Variants in DENND1A observed in about 807,000 individuals in gnomAD.
DENND1A encodes DENN domain-containing protein 1A.
DENND1A carries 51 observed loss-of-function variants against 113.7 expected under a neutral mutation model. The observed-to-expected ratio is 0.45, with a 90% CI of 0.36 to 0.57. The LOEUF (loss-of-function observed/expected upper bound fraction) is 0.57. Among genes scored for constraint, DENND1A ranks in the 20% least tolerant of loss-of-function variants. The probability of loss-of-function intolerance (pLI) is 0.00; values close to 1 mark genes in which losing one functional copy is unlikely to be tolerated. For synonymous variants in DENND1A, 565 were observed against 570.8 expected (o/e 0.99, Z 0.14); for missense variants, 1,258 against 1,395.9 (o/e 0.90, Z 1.57).
At chr9:123,642,819 G>A (rs2062100194) in intron 9 of DENND1A, among the ~76,000 whole-genome samples, 1 of 152,208 alleles carries the variant, frequency 6.6e-6, no homozygotes, top group African/African-American at 2.4e-5. Context: ...TAAGCAAACA[G>A]GATTAGTGTT....
intron 13 of DENND1A, among the ~76,000 whole-genome samples, chr9:123,535,083 C>T (rs1212770713): frequency 6.6e-6 from 1 of 152,122 alleles, no homozygotes; most frequent in Non-Finnish European, 1.5e-5. Context: ...AAATAACACC[C>T]CAAATCTGAC....
chr9:123,474,116 T>C (rs2049698292), intron 13 of DENND1A, among the ~76,000 whole-genome samples: 1 of 148,044 alleles, frequency 6.8e-6, no homozygotes, highest in African/African-American at 2.5e-5. Flanking sequence ...TGCCTCAGCC[T>C]CCTGAGTAGC....
intron 13 of DENND1A, among the ~76,000 whole-genome samples, chr9:123,474,274 C>T (rs562320240): frequency 1.3e-5 from 2 of 152,250 alleles, no homozygotes; most frequent in African/African-American, 4.8e-5. Context: ...GGATTACAGG[C>T]GTGAGCCACC....
intron 13 of DENND1A, among the ~76,000 whole-genome samples, chr9:123,554,623 T>A (rs1367861856): frequency 6.6e-6 from 1 of 152,222 alleles, no homozygotes; most frequent in African/African-American, 2.4e-5. Flanking sequence ...CTTCTCCACC[T>A]TATGGAAGAA....
intron 5 of DENND1A, among the ~76,000 whole-genome samples, chr9:123,735,226 T>A (rs573921738): frequency 6.6e-6 from 1 of 152,310 alleles, no homozygotes; most frequent in South Asian, 2.1e-4. Flanking sequence ...TTCTAGATGT[T>A]CTAAACCAGC....
At chr9:123,640,655 G>C (rs996896677) in intron 9 of DENND1A, among the ~76,000 whole-genome samples, 2 of 152,352 alleles carry the variant, frequency 1.3e-5, no homozygotes, top group Non-Finnish European at 2.9e-5. Flanking sequence ...ATGAGATTCA[G>C]CCTCAGGTAA....
chr9:123,487,565 G>A (rs2051000193), intron 13 of DENND1A, among the ~76,000 whole-genome samples: 1 of 152,158 alleles, frequency 6.6e-6, no homozygotes, highest in Non-Finnish European at 1.5e-5. Flanking sequence ...CGATTGTCCT[G>A]TGGACACTTT....
At chr9:123,480,198 TCCTC>T (rs1318765825) in intron 13 of DENND1A, among the ~76,000 whole-genome samples, 4 of 152,078 alleles carry the variant, frequency 2.6e-5, no homozygotes, top group African/African-American at 7.2e-5. Flanking sequence ...GGCAATTGCC[TCCTC>T]CCAGGGCCCC....
At position 123,457,396 on chromosome 9, in the gene DENND1A, C is replaced by T. The variant is rs764183615; in HGVS notation, c.1138G>A (p.Gly380Ser). Reference protein sequence around the residue: ...GRLDLLNSGEGFSDVFEEEIN... With the variant: ...GRLDLLNSGESFSDVFEEEIN... ...TCCTCTTCAAAAACATCACTGAAAC[C>T]TTCGCCGGAATTGAGAAGATCTAAT... is the stretch of plus-strand genomic sequence containing the variant. Residue 380 changes from glycine (G) to serine (S), a missense_variant, in exon 15 of 24, where the codon GGT (glycine) becomes AGT (serine). Coordinates refer to ENST00000394215, the MANE Select transcript of DENND1A (RefSeq NM_001352964.2). 2.5e-6 allele frequency: 4 copies of T among 1,613,972 alleles called. No homozygotes were observed. The East Asian group carries it at 6.7e-5, about 27-fold the overall frequency.
In DENND1A at chr9:123,589,416, T is replaced by C. The variant is rs2059350401; in HGVS notation, c.766-6146A>G. Among the ~76,000 whole-genome samples, 3 of 151,924 alleles carry C rather than the reference T, an allele frequency of 2.0e-5. No homozygotes were observed. The South Asian group carries it at 6.3e-4, about 32-fold the overall frequency. Reference sequence around the variant, plus strand: ...AAGTCATTTTATCCACAGCTTGTGTTTCCTACTATAAGTGAAGAAAAATCA... The same window carrying C: ...AAGTCATTTTATCCACAGCTTGTGTCTCCTACTATAAGTGAAGAAAAATCA... On this transcript the variant is annotated intron_variant, in intron 11 of 23. Transcript: ENST00000394215.
chr9:123,401,945 C>T (rs543877741), intron 21 of DENND1A: 1 of 1,614,006 alleles, frequency 6.2e-7, no homozygotes. Flanking sequence ...GGGTTTACAT[C>T]TCAATATCAA....
chr9:123,708,356 TGA>T (rs2140886589), intron 5 of DENND1A, among the ~76,000 whole-genome samples: 1 of 152,266 alleles, frequency 6.6e-6, no homozygotes, highest in Non-Finnish European at 1.5e-5. Flanking sequence ...GGACTGGAAT[TGA>T]GAGGTGATCA....
At chr9:123,920,581 A>G (rs1856058171) in intron 1 of DENND1A, among the ~76,000 whole-genome samples, 1 of 152,186 alleles carries the variant, frequency 6.6e-6, no homozygotes, top group Non-Finnish European at 1.5e-5. Flanking sequence ...TTACTTCAAG[A>G]CAGGGTCTTG....
At chr9:123,784,563 T>G (rs186751270) in intron 3 of DENND1A, among the ~76,000 whole-genome samples, 191 of 152,344 alleles carry the variant, frequency 1.3e-3, no homozygotes, top group Non-Finnish European at 2.3e-3. Context: ...TTGGTCCATT[T>G]AGTTTTAATC....
chr9:123,831,983 CA>C (rs1002523177), intron 2 of DENND1A, among the ~76,000 whole-genome samples: 159 of 148,364 alleles, frequency 1.1e-3, no homozygotes, highest in African/African-American at 3.8e-3. Context: ...ACTCCATCTC[CA>C]AAAAAAAACA....
intron 21 of DENND1A, 31 bp downstream of exon 21, chr9:123,403,371 T>C: frequency 1.1e-5 from 17 of 1,611,410 alleles, no homozygotes; most frequent in Non-Finnish European, 1.4e-5. Context: ...ACAGGGTTCT[T>C]ACAGACAGAG....
chr9:123,711,801 A>T (rs1027140392), intron 5 of DENND1A, among the ~76,000 whole-genome samples: 9 of 151,904 alleles, frequency 5.9e-5, no homozygotes, highest in African/African-American at 1.7e-4. Flanking sequence ...ATCTGAAACT[A>T]GTTTCTTATC....
chr9:123,715,180 C>CA (rs34230918), intron 5 of DENND1A, among the ~76,000 whole-genome samples: 26,614 of 148,128 alleles, frequency 0.18, 2,715 homozygotes, highest in African/African-American at 0.29. Flanking sequence ...ACTCTGTCTC[C>CA]AAAAAAAATA....
intron 4 of DENND1A, among the ~76,000 whole-genome samples, chr9:123,762,650 G>T (rs553014506): frequency 6.6e-6 from 1 of 152,232 alleles, no homozygotes; most frequent in Non-Finnish European, 1.5e-5. Context: ...CAGGGCCCCT[G>T]CCTTTGCAGG....
Sources: allele counts gnomAD v4.1 joint callset (sites outside exome capture counted in the v4.1 genomes callset), GRCh38; gene constraint gnomAD v4.1.1; transcripts MANE v1.5; gene names NCBI Gene and HGNC (gene_info 2026-07-23, HGNC 2026-07-21).